The following SRGAP2 variants were observed in gnomAD, a reference collection of about 807,000 sequenced individuals.
SRGAP2 encodes SLIT-ROBO Rho GTPase activating protein 2, also known as SLIT-ROBO Rho GTPase-activating protein 2.
Under a neutral mutation model 57.2 loss-of-function variants are expected in SRGAP2, and 15 were observed. That is an observed-to-expected ratio of 0.26 (90% confidence interval 0.18 to 0.40). The LOEUF (loss-of-function observed/expected upper bound fraction) is 0.40. SRGAP2 is among the 10% of genes least tolerant of loss of function. The pLI, the probability that SRGAP2 is intolerant of heterozygous loss-of-function variation, is 1.00. For missense variants in SRGAP2, 520 were observed against 669.6 expected (o/e 0.78, Z 2.47); for synonymous variants, 249 against 248.0 (o/e 1.00, Z -0.04).
intron 2 of SRGAP2, chr1:206,214,804 A>G (rs1403025384): frequency 6.7e-6 from 1 of 149,356 alleles, no homozygotes; most frequent in Non-Finnish European, 1.5e-5. Flanking sequence ...AAAAAAAAAA[A>G]AAAAAAGAAA....
At chr1:206,370,249 G>C (rs1654406864) in intron 4 of SRGAP2, among the ~76,000 whole-genome samples, 1 of 151,914 alleles carries the variant, frequency 6.6e-6, no homozygotes, top group Admixed American at 6.5e-5. Flanking sequence ...CTGGGCGACA[G>C]AGCGAGACTC....
intron 3 of SRGAP2, among the ~76,000 whole-genome samples, chr1:206,323,444 C>T (rs1387224371): frequency 3.0e-4 from 45 of 148,596 alleles, no homozygotes; most frequent in Admixed American, 3.0e-3. Flanking sequence ...ACTTCTGGGC[C>T]AGCCCTGTCT....
chr1:206,354,762 C>A (rs1420397690), intron 4 of SRGAP2, among the ~76,000 whole-genome samples: 2 of 151,058 alleles, frequency 1.3e-5, no homozygotes, highest in Non-Finnish European at 3.0e-5. Flanking sequence ...CTCCTTCTCT[C>A]CCTCCTCTGT....
At chr1:206,240,257 C>T (rs1477208593) in intron 2 of SRGAP2, among the ~76,000 whole-genome samples, 3 of 105,480 alleles carry the variant, frequency 2.8e-5, no homozygotes, top group African/African-American at 1.2e-4. Flanking sequence ...CAGAGTGAGA[C>T]AACGTCTCAA....
At chr1:206,381,057 C>A (rs1453362056) in intron 4 of SRGAP2, among the ~76,000 whole-genome samples, 14 of 152,348 alleles carry the variant, frequency 9.2e-5, no homozygotes, top group East Asian at 5.8e-4. Flanking sequence ...CAGCCCAACC[C>A]TCAGCCAGAG....
At chr1:206,240,587 A>G (rs1404599823) in intron 2 of SRGAP2, among the ~76,000 whole-genome samples, 3 of 152,122 alleles carry the variant, frequency 2.0e-5, no homozygotes, top group African/African-American at 4.8e-5. Context: ...TGCCTGAGCT[A>G]GAAATGAAGT....
intron 3 of SRGAP2, among the ~76,000 whole-genome samples, chr1:206,321,885 T>C (rs1673475422): frequency 6.6e-6 from 1 of 152,240 alleles, no homozygotes. Flanking sequence ...ACTGTGGAGT[T>C]GACCATTTTT....
At chr1:206,386,857 G>C (rs1656328467) in intron 5 of SRGAP2, among the ~76,000 whole-genome samples, 1 of 150,360 alleles carries the variant, frequency 6.7e-6, no homozygotes, top group Non-Finnish European at 1.5e-5. Context: ...GGGCACAGTG[G>C]CTCATGCCCG....
At chr1:206,226,374 T>A (rs1228113138) in intron 2 of SRGAP2, among the ~76,000 whole-genome samples, 7 of 152,206 alleles carry the variant, frequency 4.6e-5, no homozygotes, top group African/African-American at 1.7e-4. Context: ...CCTTTTTAAA[T>A]TCTTTCTGTG....
At chr1:206,410,396 A>G (rs1659112375) in intron 10 of SRGAP2, among the ~76,000 whole-genome samples, 1 of 152,216 alleles carries the variant, frequency 6.6e-6, no homozygotes, top group Admixed American at 6.5e-5. Context: ...GTGATTGTTA[A>G]AAATCAATAC....
At chr1:206,226,974 T>C (rs1362689882) in intron 2 of SRGAP2, among the ~76,000 whole-genome samples, 7 of 151,938 alleles carry the variant, frequency 4.6e-5, no homozygotes, top group African/African-American at 1.7e-4. Context: ...TGATTAATAA[T>C]GGAGATTTGG....
At chr1:206,267,517 TC>T (rs1313028404) in intron 2 of SRGAP2, among the ~76,000 whole-genome samples, 1 of 150,718 alleles carries the variant, frequency 6.6e-6, no homozygotes, top group Non-Finnish European at 1.5e-5. Flanking sequence ...CAAAGGACGA[TC>T]CTCTTGGAGA....
intron 14 of SRGAP2, 106 bp from the exon 15 acceptor site, chr1:206,436,859 G>C: frequency 2.7e-6 from 2 of 750,986 alleles, no homozygotes. Context: ...GAGACAGCGT[G>C]CTTAAATACA....
chr1:206,303,850 A>G (rs1262621643), intron 3 of SRGAP2, among the ~76,000 whole-genome samples: 1 of 150,530 alleles, frequency 6.6e-6, no homozygotes, highest in Non-Finnish European at 1.5e-5. Context: ...GGCTTAACTC[A>G]GGGTCTATCT....
intron 2 of SRGAP2, chr1:206,206,315 G>C (rs546452762): frequency 5.3e-5 from 22 of 414,830 alleles, no homozygotes; most frequent in East Asian, 1.6e-4. Flanking sequence ...CGGACAGGGT[G>C]GGGGGAGGGG....
At chr1:206,359,116 T>C (rs1168608495) in intron 4 of SRGAP2, among the ~76,000 whole-genome samples, 61 of 151,682 alleles carry the variant, frequency 4.0e-4, no homozygotes, top group Admixed American at 6.6e-4. Context: ...GAAATATCTT[T>C]TGAAGATTTC....
chr1:206,360,106 G>A (rs1322643425), intron 4 of SRGAP2, among the ~76,000 whole-genome samples: 2 of 152,108 alleles, frequency 1.3e-5, no homozygotes, highest in African/African-American at 4.8e-5. Flanking sequence ...GCGCCCGGCC[G>A]ATATTGCTCT....
chr1:206,220,614 G>A (rs1223472251), intron 2 of SRGAP2, among the ~76,000 whole-genome samples: 5 of 152,134 alleles, frequency 3.3e-5, no homozygotes, highest in African/African-American at 1.2e-4. Context: ...TTCCCATCTT[G>A]TTCCAGTGAC....
At chr1:206,290,571 G>A (rs1671255147) in intron 2 of SRGAP2, among the ~76,000 whole-genome samples, 1 of 148,592 alleles carries the variant, frequency 6.7e-6, no homozygotes, top group East Asian at 2.0e-4. Flanking sequence ...GAGGCTGGGA[G>A]GCAGAGGTTG....
Sources: allele counts gnomAD v4.1 joint callset (sites outside exome capture counted in the v4.1 genomes callset), GRCh38; gene constraint gnomAD v4.1.1; transcripts MANE v1.5; gene names NCBI Gene and HGNC (gene_info 2026-07-23, HGNC 2026-07-21).